Variants in ZNF454 observed in about 807,000 individuals in gnomAD.
ZNF454 encodes the protein zinc finger protein 454.
Under a neutral mutation model 48.2 loss-of-function variants are expected in ZNF454, and 30 were observed. The observed-to-expected ratio is 0.62, with a 90% confidence interval of 0.47 to 0.84. ZNF454 has a LOEUF of 0.84. Among genes scored for constraint, ZNF454 ranks in the 40% least tolerant of loss-of-function variants. The pLI is 0.00. For missense variants in ZNF454, 510 were observed against 623.1 expected, an observed-to-expected ratio of 0.82 and a Z score of 1.93; for synonymous variants, 204 against 211.4, an observed-to-expected ratio of 0.97 and a Z score of 0.30.
chr5:178,983,632 C>G, the ZNF454 span: 1 of 375,986 alleles, frequency 2.7e-6, no homozygotes, highest in Non-Finnish European at 5.3e-6. Context: ...CCTCTCTAGC[C>G]TCCTCACGTG....
chr5:178,960,261 CT>C (rs546306673), intron 4 of ZNF454, among the ~76,000 whole-genome samples: 177 of 129,048 alleles, frequency 1.4e-3, no homozygotes, highest in Non-Finnish European at 1.3e-3. Context: ...CATTCCTTTT[CT>C]TTTTTTTTTT....
the ZNF454 span, among the ~76,000 whole-genome samples, chr5:178,976,591 T>C: frequency 1.3e-5 from 2 of 152,172 alleles, no homozygotes; most frequent in African/African-American, 4.8e-5. Flanking sequence ...GGTAGGCTAA[T>C]GGGGCCAGCA....
chr5:178,965,961 T>C lies in ZNF454; in HGVS notation c.1557T>C (p.Ile519=), dbSNP rs973389596. ...ANLIQHQRHH[I]GEK ...TCATTCAGCATCAGAGACATCATAT[T>C]GGAGAGAAGTGATATGAATGCAGTT... The change falls in exon 5 of 5, where the codon ATT becomes ATC. Residue 519 remains isoleucine, a synonymous_variant. Transcript: ENST00000519564. The surrounding 1 kb of genome is among the most constrained non-coding windows in gnomAD (Gnocchi z 5.2). 15 of 1,569,986 alleles carry C rather than the reference T, an allele frequency of 9.6e-6. No individual in the cohort carries two copies. Among genetic ancestry groups the C allele is most frequent in the African/African-American group, 1.4e-5 (1 of 72,854 alleles).
In ZNF454 at chr5:178,947,144, C is replaced by T. The variant is rs1044727151; in HGVS notation, c.250+158C>T. Among the ~76,000 whole-genome samples the T allele has an allele frequency of 2.6e-5, 4 of 152,194 alleles. No individual in the cohort carries two copies. In the East Asian group the frequency reaches 7.7e-4, roughly 29 times the overall value. ...TGAATACCTTGTTGCTACTTTTGTT[C>T]CAGCCTGCACTACCAACATGTAGCA... On this transcript the variant is annotated intron_variant, in intron 4 of 4. Coordinates refer to ENST00000519564, the MANE Select transcript of ZNF454 (RefSeq NM_001178089.3).
the ZNF454 span, chr5:178,985,613 GA>G: frequency 2.8e-6 from 1 of 357,782 alleles, no homozygotes; most frequent in Non-Finnish European, 5.5e-6. Context: ...TGAGGCAGGA[GA>G]ATGGCGTGAA....
chr5:178,977,572 C>CTTTTT, the ZNF454 span: 1 of 182,642 alleles, frequency 5.5e-6, no homozygotes, highest in Non-Finnish European at 1.2e-5. Context: ...ATTCAGTCTT[C>CTTTTT]TTTTTTTTTT....
At chr5:178,989,126 C>A in the ZNF454 span, 20 of 1,613,768 alleles carry the variant, frequency 1.2e-5, no homozygotes, top group African/African-American at 2.7e-5. Context: ...CCGGCCGATG[C>A]GTTCCTCGCC....
chr5:178,973,421 A>G, the ZNF454 span, among the ~76,000 whole-genome samples: 2 of 152,208 alleles, frequency 1.3e-5, no homozygotes, highest in African/African-American at 4.8e-5. Context: ...CTTGCAGTGA[A>G]GAAGAAATTC....
chr5:178,981,598 A>G, the ZNF454 span: 1 of 1,339,730 alleles, frequency 7.5e-7, no homozygotes, highest in Non-Finnish European at 1.1e-6. The surrounding 1 kb of genome is among the most constrained non-coding windows in gnomAD (Gnocchi z 5.1). Flanking sequence ...TACAGCTTCC[A>G]CCTCGAGGCA....
chr5:178,974,903 T>C, the ZNF454 span, among the ~76,000 whole-genome samples: 2 of 152,208 alleles, frequency 1.3e-5, no homozygotes, highest in Non-Finnish European at 2.9e-5. Flanking sequence ...CCTTACCCAA[T>C]AAGCTGGACC....
In ZNF454 at chr5:178,941,223, A is replaced by C. The variant is rs1249861552; in HGVS notation, c.-329A>C. The C allele has an allele frequency of 3.2e-5, 12 of 380,102 alleles. No individual in the cohort carries two copies. In the East Asian group the frequency reaches 7.3e-4, roughly 23 times the overall value. 23.5% of individuals were successfully genotyped at this position (380,102 alleles called of 1,614,324 possible). A position where few individuals can be genotyped will look rare whatever the true frequency, so the allele number is the denominator to read the frequency against. ...GGCTCCCGGCTGCAGACTCCAGCTC[A>C]TTGTGTTCTGACTGCGATGTGGCGC... On this transcript the variant is annotated 5_prime_UTR_variant, in exon 1 of 5. Transcript: ENST00000519564. This position sits in a 1 kb window ranked among gnomAD's most constrained non-coding sequence, Gnocchi z 5.5.
chr5:178,987,853 G>A, the ZNF454 span, among the ~76,000 whole-genome samples: 6 of 150,732 alleles, frequency 4.0e-5, no homozygotes, highest in Admixed American at 6.6e-5. Flanking sequence ...TCTGCCTCCC[G>A]GGTTCAAGCA....
At chr5:178,945,080 T>G (rs1759258921) in intron 2 of ZNF454, among the ~76,000 whole-genome samples, 1 of 107,888 alleles carries the variant, frequency 9.3e-6, no homozygotes, top group Non-Finnish European at 1.9e-5. Context: ...TGGGGGTATT[T>G]GTGGGGGGGT....
intron 4 of ZNF454, among the ~76,000 whole-genome samples, chr5:178,961,705 A>G (rs186075058): frequency 4.0e-5 from 6 of 151,350 alleles, no homozygotes; most frequent in Non-Finnish European, 7.4e-5. Flanking sequence ...CTGTAGTCCC[A>G]GCTACTCGGG....
the ZNF454 span, chr5:178,978,289 T>C: frequency 6.6e-6 from 1 of 152,228 alleles, no homozygotes; most frequent in South Asian, 2.1e-4. Flanking sequence ...TATGAAACAA[T>C]ATCTGTATAA....
chr5:178,947,075 C>A, intron 4 of ZNF454, 89 bp downstream of exon 4: 1 of 1,031,200 alleles, frequency 9.7e-7, no homozygotes, highest in Non-Finnish European at 1.5e-6. Context: ...TGCAGATGCA[C>A]CTGCCTGAGG....
At chr5:178,976,204 C>G in the ZNF454 span, 1 of 398,858 alleles carries the variant, frequency 2.5e-6, no homozygotes, top group Admixed American at 2.7e-5. Flanking sequence ...AAAATTGCAG[C>G]CATCCCCCGC....
Position 178,965,101 on chromosome 5 carries a change from C to T in ZNF454, c.697C>T (p.His233Tyr). 6.2e-7 allele frequency: 1 copy of T among 1,614,120 alleles called. No homozygotes were observed. ...KAFHQSTHLIHHQRIHTGEKP... is the reference protein window; with the variant it reads ...KAFHQSTHLIYHQRIHTGEKP... ...CTTTCACCAGAGTACGCACCTTATC[C>T]ATCACCAAAGAATTCACACTGGCGA... The change falls in exon 5 of 5, where the codon CAT (histidine) becomes TAT (tyrosine). Residue 233 changes from histidine to tyrosine, a missense_variant. Around this residue, in one of 3 missense-constraint regions of ZNF454, gnomAD observed 354 missense variants for 408.9 expected, o/e 0.87. Transcript: ENST00000519564. This position sits in a 1 kb window ranked among gnomAD's most constrained non-coding sequence, Gnocchi z 5.2.
the ZNF454 span, chr5:178,986,117 C>T: frequency 6.2e-7 from 1 of 1,611,144 alleles, no homozygotes; most frequent in Non-Finnish European, 8.5e-7. Flanking sequence ...CCCTTGGGAG[C>T]CTACGGACCC....
Sources: allele counts gnomAD v4.1 joint callset (sites outside exome capture counted in the v4.1 genomes callset), GRCh38; gene constraint gnomAD v4.1.1; regional missense constraint gnomAD v4.1.1; non-coding constraint Gnocchi (gnomAD v3.1); transcripts MANE v1.5; gene names NCBI Gene and HGNC (gene_info 2026-07-23, HGNC 2026-07-21).